PPL: variants seen among roughly 807,000 people sequenced by gnomAD.
The protein encoded by PPL is 190 kDa paraneoplastic pemphigus antigen.
In PPL, 198 loss-of-function variants were observed where a neutral mutation model predicts 194.4. The observed-to-expected ratio is 1.02, with a 90% CI of 0.91 to 1.15. The LOEUF is 1.15. PPL is among the 50% of genes most tolerant of loss of function. The probability of loss-of-function intolerance (pLI) is 0.00; values close to 1 mark genes in which losing one functional copy is unlikely to be tolerated. For synonymous variants in PPL, 1,220 were observed against 972.4 expected, an observed-to-expected ratio of 1.25 and a Z score of -4.74; for missense variants, 2,885 against 2,294.8, an observed-to-expected ratio of 1.26 and a Z score of -5.25.
chr16:4,931,318 C>T (rs774747477), intron 1 of PPL, among the ~76,000 whole-genome samples: 7 of 152,210 alleles, frequency 4.6e-5, no homozygotes, highest in South Asian at 2.1e-4. Flanking sequence ...GAGCTATGAT[C>T]GCACCACTGC....
chr16:4,918,803 G>A (rs2088978614), intron 1 of PPL, among the ~76,000 whole-genome samples: 1 of 152,188 alleles, frequency 6.6e-6, no homozygotes, highest in Admixed American at 6.5e-5. Context: ...CCCTTGGAGA[G>A]CTATGGAGCC....
intron 1 of PPL, among the ~76,000 whole-genome samples, chr16:4,916,875 A>T (rs967093870): frequency 6.6e-6 from 1 of 151,836 alleles, no homozygotes; most frequent in Admixed American, 6.6e-5. Context: ...CACGCCTGCA[A>T]TCCCAGCACT....
intron 1 of PPL, among the ~76,000 whole-genome samples, chr16:4,924,941 C>T (rs2089128783): frequency 6.6e-6 from 1 of 152,372 alleles, no homozygotes; most frequent in Admixed American, 6.5e-5. Context: ...GCTGTGTCCC[C>T]TGCTGGCTCA....
intron 1 of PPL, 149 bp from the exon 2 acceptor site, chr16:4,911,098 T>C (rs73519168): frequency 0.051 from 30,257 of 590,998 alleles, 1,275 homozygotes; most frequent in African/African-American, 0.17. Flanking sequence ...GCTGTTCCCA[T>C]AGGGCAACAT....
chr16:4,885,279 T>C lies in PPL; in HGVS notation c.3376A>G (p.Thr1126Ala). 1 of 1,611,818 alleles carries C rather than the reference T, an allele frequency of 6.2e-7. No individual in the cohort carries two copies. Among genetic ancestry groups the C allele is most frequent in the Non-Finnish European group, 8.5e-7 (1 of 1,179,952 alleles). ...GTGAGATCGCTGACCTCCCTCTCGGTGGCCGCGTCCTTCTCCACCTTGAGC... is the reference window on the plus strand; with the variant it reads ...GTGAGATCGCTGACCTCCCTCTCGGCGGCCGCGTCCTTCTCCACCTTGAGC... Reference protein sequence around the residue: ...EVLKVEKDAATEREVSDLTRQ... With the variant: ...EVLKVEKDAAAEREVSDLTRQ... Residue 1126 changes from threonine to alanine, a missense_variant, in exon 22 of 22, where the codon ACC (threonine) becomes GCC (alanine). Thr to Ala is a moderately conservative substitution (Grantham distance 58). Transcript: ENST00000345988. This position sits in a 1 kb window ranked among gnomAD's most constrained non-coding sequence, Gnocchi z 6.3.
intron 1 of PPL, among the ~76,000 whole-genome samples, chr16:4,924,646 A>C (rs2089122166): frequency 6.6e-6 from 1 of 152,022 alleles, no homozygotes; most frequent in African/African-American, 2.4e-5. Flanking sequence ...CCTGACTCCA[A>C]AACAACCTGG....
chr16:4,923,780 G>T (rs1214024296), intron 1 of PPL, among the ~76,000 whole-genome samples: 1 of 152,148 alleles, frequency 6.6e-6, no homozygotes, highest in African/African-American at 2.4e-5. Flanking sequence ...AATTCAAGGA[G>T]ATAACCCTTA....
rs573575209 is a variant in PPL, at chr16:4,889,019, T to C, written c.2356A>G (p.Lys786Glu). The C allele has an allele frequency of 4.3e-6, 7 of 1,613,786 alleles. No individual in the cohort carries two copies. In the South Asian group the frequency reaches 5.5e-5, roughly 13 times the overall value. ...EIASREQEVQ[K>E]ICANSQQYQQ... ...TACTGCTGGGAATTGGCACAGATCT[T>C]CTGTACTTCCTGCTCCCTACTTGCT... Residue 786 changes from lysine (K) to glutamate (E), a missense_variant, in exon 19 of 22, where the codon AAG becomes GAG. Coordinates refer to ENST00000345988, the MANE Select transcript of PPL (RefSeq NM_002705.5).
chr16:4,912,580 C>T (rs1475764136), intron 1 of PPL, among the ~76,000 whole-genome samples: 6 of 152,222 alleles, frequency 3.9e-5, no homozygotes, highest in African/African-American at 1.4e-4. Context: ...TCAACCTACT[C>T]GTTTTATTTT....
At chr16:4,914,387 C>T (rs778860321) in intron 1 of PPL, among the ~76,000 whole-genome samples, 4 of 152,150 alleles carry the variant, frequency 2.6e-5, no homozygotes, top group Non-Finnish European at 4.4e-5. Flanking sequence ...GGACACCTAC[C>T]GGAGTCATGG....
In PPL at chr16:4,905,527, C is replaced by T. The variant is rs528654630; in HGVS notation, c.163-1487G>A. ...AACTGATTCATGGGCGTGGTTCTGCCCCTTGCTAAAGTTACTCAAAATCAT... is the reference window on the plus strand; with the variant it reads ...AACTGATTCATGGGCGTGGTTCTGCTCCTTGCTAAAGTTACTCAAAATCAT... On this transcript the variant is annotated intron_variant, in intron 2 of 21. Coordinates refer to ENST00000345988, the MANE Select transcript of PPL (RefSeq NM_002705.5). Among the ~76,000 whole-genome samples, 6 of 152,298 alleles carry T rather than the reference C, an allele frequency of 3.9e-5. No homozygotes were observed. In the East Asian group the frequency reaches 5.8e-4, roughly 15 times the overall value.
chr16:4,889,105 TTTA>T, intron 18 of PPL, 44 bp from the exon 19 acceptor site: 1 of 1,536,294 alleles, frequency 6.5e-7, no homozygotes, highest in South Asian at 1.1e-5. Flanking sequence ...AGAAAAAAAA[TTTA>T]AAAAAGCAAC....
chr16:4,889,342 C>T lies in PPL; in HGVS notation c.2314-281G>A, dbSNP rs556069807. Among the ~76,000 whole-genome samples, 15 of 138,934 alleles carry T rather than the reference C, an allele frequency of 1.1e-4. 1 individual carries two copies. The South Asian group carries it at 3.4e-3, about 32-fold the overall frequency. 91.1% of individuals were successfully genotyped at this position (138,934 alleles called of 152,430 possible). A position where few individuals can be genotyped will look rare whatever the true frequency, so the allele number is the denominator to read the frequency against. On this transcript the variant is annotated intron_variant, in intron 18 of 21. Coordinates refer to ENST00000345988, the MANE Select transcript of PPL (RefSeq NM_002705.5). The stretch of plus-strand genomic sequence containing the variant: ...CGATCTCAGCTCACTGCAGCCTTAG[C>T]CTCCTGGGTTCAAGCAATTCTCCTG...
chr16:4,936,140 T>C (rs576551755), intron 1 of PPL, among the ~76,000 whole-genome samples: 2 of 152,082 alleles, frequency 1.3e-5, no homozygotes, highest in South Asian at 4.2e-4. Flanking sequence ...TGCAAACACA[T>C]CAAGACATGC....
intron 16 of PPL, 192 bp downstream of exon 16, chr16:4,891,619 C>G: frequency 1.6e-6 from 1 of 638,396 alleles, no homozygotes; most frequent in South Asian, 2.6e-5. Context: ...CCCGAAATCC[C>G]GTAAGTCACA....
intron 16 of PPL, 125 bp from the exon 17 acceptor site, chr16:4,891,046 C>T (rs760117): frequency 0.14 from 106,304 of 785,450 alleles, 8,240 homozygotes; most frequent in East Asian, 0.23. Context: ...GTAGGAAGGA[C>T]CGGAGCCTTG....
At chr16:4,894,336 G>A (rs2088377425) in intron 12 of PPL, 131 bp downstream of exon 12, 1 of 1,138,626 alleles carries the variant, frequency 8.8e-7, no homozygotes, top group Non-Finnish European at 1.2e-6. Context: ...TTCCAAGGGG[G>A]TGCAGATGGA....
intron 1 of PPL, among the ~76,000 whole-genome samples, chr16:4,934,861 T>A (rs928249258): frequency 6.6e-6 from 1 of 152,138 alleles, no homozygotes; most frequent in African/African-American, 2.4e-5. Context: ...GTCTGCGAAC[T>A]AGTCCCCACT....
At chr16:4,890,103 T>A in intron 18 of PPL, 81 bp downstream of exon 18, 1 of 1,603,988 alleles carries the variant, frequency 6.2e-7, no homozygotes, top group Non-Finnish European at 8.5e-7. Context: ...CCCAAAGGCT[T>A]GGCTCCCCAG....
Sources: gnomAD v4.1 joint callset for allele counts (sites outside exome capture counted in the v4.1 genomes callset) on GRCh38, gnomAD v4.1.1 for gene constraint, Gnocchi (gnomAD v3.1) non-coding constraint, MANE v1.5 for transcripts, NCBI Gene and HGNC (gene_info 2026-07-23, HGNC 2026-07-21) for gene names.